Variants in CDH13 observed in about 807,000 individuals in gnomAD.
The protein encoded by CDH13 is cadherin 13, also known as cadherin-13.
Under a neutral mutation model 63.8 loss-of-function variants are expected in CDH13, and 24 were observed. The ratio of observed to expected loss-of-function variants is 0.38; its 90% CI spans 0.27 to 0.53. The LOEUF (loss-of-function observed/expected upper bound fraction) is 0.53. Ranked by LOEUF, CDH13 falls within the 20% of genes least tolerant of loss-of-function variation. The probability of loss-of-function intolerance (pLI) is 0.85; values close to 1 mark genes in which losing one functional copy is unlikely to be tolerated. For synonymous variants in CDH13, 503 were observed against 355.3 expected, an observed-to-expected ratio of 1.42 and a Z score of -4.67; for missense variants, 1,049 against 903.1, an observed-to-expected ratio of 1.16 and a Z score of -2.07.
At chr16:83,204,972 A>G (rs1597511574) in intron 4 of CDH13, among the ~76,000 whole-genome samples, 1 of 152,238 alleles carries the variant, frequency 6.6e-6, no homozygotes, top group African/African-American at 2.4e-5. Flanking sequence ...AGCTAACGCA[A>G]GTCCCATGGC....
At chr16:83,195,993 C>G (rs2038867196) in intron 4 of CDH13, among the ~76,000 whole-genome samples, 2 of 152,184 alleles carry the variant, frequency 1.3e-5, no homozygotes, top group African/African-American at 4.8e-5. Flanking sequence ...CAGTAGCTCA[C>G]AACTGTAATC....
At chr16:82,888,137 G>A (rs1481113738) in intron 2 of CDH13, among the ~76,000 whole-genome samples, 8 of 152,094 alleles carry the variant, frequency 5.3e-5, no homozygotes, top group South Asian at 2.1e-4. Context: ...AAAAAGCACC[G>A]AACAACCTTT....
At chr16:83,477,536 G>A (rs985485859) in intron 6 of CDH13, among the ~76,000 whole-genome samples, 1 of 152,122 alleles carries the variant, frequency 6.6e-6, no homozygotes. Context: ...TCTCGTGCCC[G>A]TTTAGTCAGT....
intron 1 of CDH13, chr16:82,639,374 C>G (rs1909102188): frequency 6.5e-7 from 1 of 1,535,402 alleles, no homozygotes; most frequent in Non-Finnish European, 8.7e-7. Context: ...AAACAACCCA[C>G]CTGCACTGCA....
intron 11 of CDH13, among the ~76,000 whole-genome samples, chr16:83,751,277 C>G (rs1913060862): frequency 6.6e-6 from 1 of 152,172 alleles, no homozygotes; most frequent in African/African-American, 2.4e-5. Flanking sequence ...ATGTCACTCA[C>G]TTGCCTCCAG....
chr16:82,687,160 C>A (rs1467999988), intron 1 of CDH13, among the ~76,000 whole-genome samples: 1 of 152,126 alleles, frequency 6.6e-6, no homozygotes, highest in East Asian at 1.9e-4. Context: ...GCCAAGTCCT[C>A]TCTCATGGTA....
At chr16:83,014,866 A>ATATATT (rs1567746130) in intron 2 of CDH13, among the ~76,000 whole-genome samples, 2 of 122,476 alleles carry the variant, frequency 1.6e-5, no homozygotes, top group Non-Finnish European at 3.3e-5. Context: ...GTATATATAT[A>ATATATT]TGTATATATA....
chr16:82,850,251 T>C (rs2039428495), intron 1 of CDH13, among the ~76,000 whole-genome samples: 1 of 152,070 alleles, frequency 6.6e-6, no homozygotes, highest in African/African-American at 2.4e-5. Context: ...ATGTCAAAAA[T>C]AACAGGAGTT....
chr16:83,041,967 C>G (rs1351118146), intron 3 of CDH13, among the ~76,000 whole-genome samples: 3 of 152,046 alleles, frequency 2.0e-5, no homozygotes, highest in Middle Eastern at 3.2e-3. Flanking sequence ...TACATTTTTC[C>G]CCTCTTTCCT....
At chr16:83,214,925 G>T (rs1235100135) in intron 4 of CDH13, among the ~76,000 whole-genome samples, 1 of 152,094 alleles carries the variant, frequency 6.6e-6, no homozygotes, top group East Asian at 1.9e-4. Flanking sequence ...CAGCCACAGG[G>T]ATCCAATGGT....
chr16:83,731,854 G>A (rs779760357), intron 10 of CDH13, among the ~76,000 whole-genome samples: 7 of 152,152 alleles, frequency 4.6e-5, no homozygotes, highest in Non-Finnish European at 8.8e-5. Context: ...CAAAATTCTC[G>A]TGTATAAACT....
chr16:82,803,400 C>T lies in CDH13; in HGVS notation c.46-54962C>T, dbSNP rs376324956. ...GTTTTCTTCCCAAGTTACTGACTTT[C>T]TTAGCATGCGAGGCTCAAATGACAA... On this transcript the variant is annotated intron_variant, in intron 1 of 13. Coordinates refer to ENST00000567109, the MANE Select transcript of CDH13 (RefSeq NM_001257.5). 3.0e-4 allele frequency among the ~76,000 whole-genome samples: 45 copies of T among 152,282 alleles called. No individual in the cohort carries two copies. The East Asian group carries it at 7.7e-3, about 26-fold the overall frequency.
chr16:83,204,515 A>G (rs1299432526), intron 4 of CDH13, among the ~76,000 whole-genome samples: 1 of 152,216 alleles, frequency 6.6e-6, no homozygotes, highest in Non-Finnish European at 1.5e-5. Flanking sequence ...TTCACTCACC[A>G]TGAGCCTTTC....
chr16:82,767,403 C>A (rs1329027035), intron 1 of CDH13, among the ~76,000 whole-genome samples: 1 of 152,228 alleles, frequency 6.6e-6, no homozygotes, highest in South Asian at 2.1e-4. Context: ...GCAGCACATA[C>A]TCTTTTATGT....
At chr16:83,193,965 C>T (rs1381809363) in intron 4 of CDH13, among the ~76,000 whole-genome samples, 3 of 152,168 alleles carry the variant, frequency 2.0e-5, no homozygotes, top group African/African-American at 7.2e-5. Flanking sequence ...AAACGTTGCC[C>T]TCATCCCCAC....
intron 5 of CDH13, among the ~76,000 whole-genome samples, chr16:83,298,447 G>A (rs17209437): frequency 0.015 from 2,280 of 152,190 alleles, 30 homozygotes; most frequent in Non-Finnish European, 0.021. Context: ...TGTATGTGAC[G>A]GATTCCTAGG....
chr16:83,296,466 G>A (rs1034365862), intron 5 of CDH13, among the ~76,000 whole-genome samples: 1 of 152,150 alleles, frequency 6.6e-6, no homozygotes, highest in Non-Finnish European at 1.5e-5. Context: ...AAGGGCAGAC[G>A]TATTTGGAAA....
chr16:83,310,970 C>G (rs940358393), intron 5 of CDH13, among the ~76,000 whole-genome samples: 1 of 152,218 alleles, frequency 6.6e-6, no homozygotes, highest in African/African-American at 2.4e-5. Context: ...GACCACACAA[C>G]ACACACAAAG....
rs1035953115 is a variant in CDH13 at position 82,999,869 on chromosome 16, C to T, written c.158-32141C>T. Among the ~76,000 whole-genome samples, 5 of 151,950 alleles carry T rather than the reference C, an allele frequency of 3.3e-5. No individual in the cohort carries two copies. The East Asian group carries it at 9.6e-4, about 29-fold the overall frequency. On this transcript the variant is annotated intron_variant, in intron 2 of 13. Coordinates refer to ENST00000567109, the MANE Select transcript of CDH13 (RefSeq NM_001257.5). ...GCAGATGGGATAAAAGAGTGTGCAC[C>T]AGTAGCTCTAAACCCGGGACAATTT...
Sources: gnomAD v4.1 joint callset for allele counts (sites outside exome capture counted in the v4.1 genomes callset) on GRCh38, gnomAD v4.1.1 for gene constraint, MANE v1.5 for transcripts, NCBI Gene and HGNC (gene_info 2026-07-23, HGNC 2026-07-21) for gene names.